Variants in FCHSD2 observed in about 807,000 individuals in gnomAD.
FCHSD2 encodes the protein F-BAR and double SH3 domains protein 2.
Under a neutral mutation model 108.1 loss-of-function variants are expected in FCHSD2, and 38 were observed. The ratio of observed to expected loss-of-function variants is 0.35; its 90% CI spans 0.27 to 0.46. FCHSD2 has a LOEUF of 0.46. Ranked by LOEUF, FCHSD2 falls within the 20% of genes least tolerant of loss-of-function variation. The pLI is 1.00. For missense variants in FCHSD2, 751 were observed against 897.8 expected, an observed-to-expected ratio of 0.84 and a Z score of 2.09; for synonymous variants, 279 against 314.7, an observed-to-expected ratio of 0.89 and a Z score of 1.20.
rs58773322 is a variant in FCHSD2 at position 73,004,109 on chromosome 11, C to CAA, written c.243-2977_243-2976dup. Among the ~76,000 whole-genome samples the CAA allele has an allele frequency of 3.9e-4, 17 of 43,074 alleles. 2 individuals are homozygous for CAA. Among genetic ancestry groups the CAA allele is most frequent in the African/African-American group, 1.1e-3 (11 of 10,400 alleles). 28.3% of individuals were successfully genotyped at this position (43,074 alleles called of 152,430 possible). On this transcript the variant is annotated intron_variant, in intron 4 of 19. Coordinates refer to ENST00000409418, the MANE Select transcript of FCHSD2 (RefSeq NM_014824.3). ...GGGCAAGAGAGTAAGACTCCAACTC[C>CAA]AAAAAAAAAAAAAAAAAAAAAAAAA...
intron 9 of FCHSD2, among the ~76,000 whole-genome samples, chr11:72,906,552 G>A (rs998811909): frequency 2.0e-5 from 3 of 152,164 alleles, no homozygotes; most frequent in African/African-American, 7.2e-5. Context: ...GGTTTTTATG[G>A]TGTTAGGACT....
At chr11:73,127,222 T>A (rs757088071) in intron 2 of FCHSD2, among the ~76,000 whole-genome samples, 3 of 152,130 alleles carry the variant, frequency 2.0e-5, no homozygotes, top group African/African-American at 4.8e-5. Context: ...CTTATTAAAT[T>A]GGGATTATTT....
intron 3 of FCHSD2, among the ~76,000 whole-genome samples, chr11:73,032,508 G>A (rs1203827443): frequency 6.6e-6 from 1 of 151,920 alleles, no homozygotes. Flanking sequence ...TTACAGGTGT[G>A]AGCCACCATG....
intron 2 of FCHSD2, among the ~76,000 whole-genome samples, chr11:73,090,180 A>C (rs1859919362): frequency 6.6e-6 from 1 of 151,838 alleles, no homozygotes; most frequent in South Asian, 2.1e-4. Context: ...TTCATATAAA[A>C]ATGTTTACAA....
chr11:72,859,961 C>CT (rs1308682509), intron 13 of FCHSD2, among the ~76,000 whole-genome samples: 1 of 152,150 alleles, frequency 6.6e-6, no homozygotes, highest in Non-Finnish European at 1.5e-5. Context: ...TCATGGAAGA[C>CT]AATTTTTCCA....
intron 8 of FCHSD2, among the ~76,000 whole-genome samples, chr11:72,944,006 T>C (rs1856471058): frequency 6.6e-6 from 1 of 152,120 alleles, no homozygotes; most frequent in Non-Finnish European, 1.5e-5. Flanking sequence ...CTAAAACTAT[T>C]CCAATGAATA....
Position 72,902,167 on chromosome 11 carries a change from G to A in FCHSD2, c.924+376C>T, listed in dbSNP as rs574555233. ...TGAGATTACAAGCGTGAGCCACAGC[G>A]CACGGCCTACTCTGGTTAAAATTTA... is the stretch of plus-strand genomic sequence containing the variant. On this transcript the variant is annotated intron_variant, in intron 10 of 19. Transcript: ENST00000409418. Among the ~76,000 whole-genome samples the A allele has an allele frequency of 1.3e-4, 20 of 152,256 alleles. No homozygotes were observed. The East Asian group carries it at 1.7e-3, about 13-fold the overall frequency.
chr11:72,840,920 G>A lies in FCHSD2; in HGVS notation c.2096C>T (p.Ala699Val). Residue 699 changes from alanine (A) to valine (V), a missense_variant, in exon 19 of 20, where the codon GCA becomes GTA. Physicochemically the swap from Ala to Val is moderately conservative, Grantham distance 64 (BLOSUM62 0). Transcript: ENST00000409418. Reference protein sequence around the residue: ...LHAESPGFSQASRHTPETSYG... With the variant: ...LHAESPGFSQVSRHTPETSYG... ...TGAGGTCTCAGGAGTATGCCTTGATGCCTGTGAGAATCCTGGTGACTCAGC... is the reference window on the plus strand; with the variant it reads ...TGAGGTCTCAGGAGTATGCCTTGATACCTGTGAGAATCCTGGTGACTCAGC... The A allele has an allele frequency of 6.2e-7, 1 of 1,613,374 alleles. No individual in the cohort carries two copies.
intron 3 of FCHSD2, among the ~76,000 whole-genome samples, chr11:73,018,006 T>C (rs1858012203): frequency 6.6e-6 from 1 of 152,188 alleles, no homozygotes; most frequent in Non-Finnish European, 1.5e-5. Flanking sequence ...GGATAAATAT[T>C]TGAATGTCCA....
intron 8 of FCHSD2, among the ~76,000 whole-genome samples, chr11:72,954,778 A>G (rs907305082): frequency 6.6e-6 from 1 of 152,114 alleles, no homozygotes; most frequent in African/African-American, 2.4e-5. Flanking sequence ...GGTAAGGAAG[A>G]TATTTACATA....
intron 3 of FCHSD2, among the ~76,000 whole-genome samples, chr11:73,036,508 T>C (rs572705624): frequency 2.0e-5 from 3 of 152,294 alleles, no homozygotes; most frequent in Non-Finnish European, 4.4e-5. Flanking sequence ...AAAATGGGCA[T>C]AATAATGAAA....
chr11:72,894,263 G>A (rs981081577), intron 10 of FCHSD2, among the ~76,000 whole-genome samples: 1 of 152,128 alleles, frequency 6.6e-6, no homozygotes, highest in African/African-American at 2.4e-5. Flanking sequence ...AATATACTGG[G>A]GCTGGGCACA....
At chr11:72,891,378 T>G (rs1164703396) in intron 10 of FCHSD2, among the ~76,000 whole-genome samples, 1 of 152,234 alleles carries the variant, frequency 6.6e-6, no homozygotes, top group Non-Finnish European at 1.5e-5. Context: ...ACATTTCAGC[T>G]AGATTATAAC....
chr11:73,139,806 C>T (rs551289957), intron 2 of FCHSD2, among the ~76,000 whole-genome samples: 1 of 152,240 alleles, frequency 6.6e-6, no homozygotes, highest in East Asian at 1.9e-4. Flanking sequence ...CTTTTAAGGT[C>T]CTTGTTTTTT....
intron 10 of FCHSD2, among the ~76,000 whole-genome samples, chr11:72,898,834 A>T (rs1276150821): frequency 6.6e-6 from 1 of 150,828 alleles, no homozygotes; most frequent in African/African-American, 2.4e-5. Context: ...GGCTCAAGTG[A>T]TCCTCCCACT....
chr11:72,849,965 C>A, intron 13 of FCHSD2, 76 bp from the exon 14 acceptor site: 1 of 1,163,030 alleles, frequency 8.6e-7, no homozygotes, highest in Non-Finnish European at 1.3e-6. Flanking sequence ...ACACTTAAAA[C>A]CTGATTGTTT....
chr11:73,118,048 G>A (rs1860644448), intron 2 of FCHSD2, among the ~76,000 whole-genome samples: 1 of 152,152 alleles, frequency 6.6e-6, no homozygotes, highest in South Asian at 2.1e-4. Context: ...CAGGCCCAGT[G>A]GCTCACACCT....
intron 8 of FCHSD2, among the ~76,000 whole-genome samples, chr11:72,922,539 TA>T (rs1336475769): frequency 3.4e-5 from 5 of 149,252 alleles, no homozygotes; most frequent in South Asian, 2.1e-4. Context: ...ATCTTTGAAA[TA>T]AAAAAAAAGG....
At chr11:73,101,974 G>A (rs149708497) in intron 2 of FCHSD2, among the ~76,000 whole-genome samples, 130 of 152,254 alleles carry the variant, frequency 8.5e-4, no homozygotes, top group Middle Eastern at 3.4e-3. Context: ...AAAATCTGCA[G>A]GGTAGGCCAG....
Sources: gnomAD v4.1 joint callset for allele counts (sites outside exome capture counted in the v4.1 genomes callset) on GRCh38, gnomAD v4.1.1 for gene constraint, MANE v1.5 for transcripts, NCBI Gene and HGNC (gene_info 2026-07-23, HGNC 2026-07-21) for gene names.